The following GABRB2 variants were observed in gnomAD, a reference collection of about 807,000 sequenced individuals.
GABRB2 encodes the protein gamma-aminobutyric acid type A receptor subunit beta2, also known as gamma-aminobutyric acid receptor subunit beta-2.
In GABRB2, 16 loss-of-function variants were observed where a neutral mutation model predicts 54.7. The observed-to-expected ratio is 0.29, with a 90% CI of 0.20 to 0.44. GABRB2 has a LOEUF of 0.44. GABRB2 is among the 20% of genes least tolerant of loss of function. The pLI is 1.00. For synonymous variants in GABRB2, 244 were observed against 233.8 expected (o/e 1.04, Z -0.40); for missense variants, 355 against 644.0 (o/e 0.55, Z 4.86).
chr5:161,331,153 T>G, intron 7 of GABRB2, 26 bp from the exon 8 acceptor site: 2 of 1,523,680 alleles, frequency 1.3e-6, no homozygotes, highest in South Asian at 2.6e-5. Context: ...AGAGTTAGAG[T>G]AATAATGTTC....
chr5:161,509,186 A>T (rs1018243809), intron 3 of GABRB2, among the ~76,000 whole-genome samples: 3 of 152,050 alleles, frequency 2.0e-5, no homozygotes, highest in African/African-American at 7.2e-5. Flanking sequence ...CAACCAGTAC[A>T]GAATTATGTA....
At chr5:161,458,585 G>A (rs1398235583) in intron 4 of GABRB2, among the ~76,000 whole-genome samples, 3 of 152,208 alleles carry the variant, frequency 2.0e-5, no homozygotes, top group African/African-American at 7.2e-5. Context: ...GGAATTGGAG[G>A]CATCCTGTTG....
At chr5:161,388,960 A>G (rs990118833) in intron 5 of GABRB2, among the ~76,000 whole-genome samples, 8 of 152,032 alleles carry the variant, frequency 5.3e-5, no homozygotes, top group African/African-American at 1.9e-4. Flanking sequence ...TATAATTAGA[A>G]AGCTTTATTT....
intron 5 of GABRB2, among the ~76,000 whole-genome samples, chr5:161,400,499 C>CT (rs1367093397): frequency 1.3e-5 from 2 of 152,026 alleles, no homozygotes; most frequent in African/African-American, 4.8e-5. Flanking sequence ...CCTAAACTGC[C>CT]TTTTTTAGAT....
intron 3 of GABRB2, among the ~76,000 whole-genome samples, chr5:161,542,123 T>C (rs1760839624): frequency 6.6e-6 from 1 of 152,186 alleles, no homozygotes; most frequent in Non-Finnish European, 1.5e-5. Context: ...CATTTATCCA[T>C]TAAGTTTGCT....
chr5:161,427,033 G>C (rs952623766), intron 4 of GABRB2, among the ~76,000 whole-genome samples: 5 of 152,096 alleles, frequency 3.3e-5, no homozygotes, highest in African/African-American at 1.2e-4. Context: ...CCCCATCCTG[G>C]TCTCTGACTT....
chr5:161,358,603 G>A (rs549921031), intron 5 of GABRB2, among the ~76,000 whole-genome samples: 56 of 152,294 alleles, frequency 3.7e-4, no homozygotes, highest in African/African-American at 1.3e-3. Context: ...CAAGATGGAG[G>A]GATTATATTT....
chr5:161,385,856 A>G (rs1377637960), intron 5 of GABRB2, among the ~76,000 whole-genome samples: 1 of 152,076 alleles, frequency 6.6e-6, no homozygotes, highest in African/African-American at 2.4e-5. Flanking sequence ...AGATTATAAG[A>G]AAAAAGTGAG....
At chr5:161,438,845 A>G (rs1757381783) in intron 4 of GABRB2, among the ~76,000 whole-genome samples, 2 of 152,224 alleles carry the variant, frequency 1.3e-5, no homozygotes, top group East Asian at 1.9e-4. Context: ...CTTTGAAAAT[A>G]CATAATCAGA....
chr5:161,420,041 ACT>A (rs972423737), intron 4 of GABRB2, among the ~76,000 whole-genome samples: 30 of 152,118 alleles, frequency 2.0e-4, no homozygotes, highest in African/African-American at 7.0e-4. Context: ...CTAGAAAGCC[ACT>A]CTCTGTTTCA....
intron 3 of GABRB2, among the ~76,000 whole-genome samples, chr5:161,472,045 T>C (rs2113299811): frequency 6.6e-6 from 1 of 151,994 alleles, no homozygotes; most frequent in East Asian, 1.9e-4. Flanking sequence ...AGACACCATG[T>C]TTCATAAAAC....
chr5:161,415,444 C>A (rs892394544), intron 4 of GABRB2, among the ~76,000 whole-genome samples: 2 of 152,096 alleles, frequency 1.3e-5, no homozygotes, highest in Non-Finnish European at 2.9e-5. Flanking sequence ...AGCAAGAAAA[C>A]AAATACATAG....
intron 5 of GABRB2, among the ~76,000 whole-genome samples, chr5:161,352,702 G>A (rs553074301): frequency 5.9e-5 from 9 of 152,070 alleles, no homozygotes; most frequent in African/African-American, 1.9e-4. Flanking sequence ...GATTTTATGT[G>A]TTCTCATTGC....
chr5:161,372,234 CTT>C (rs1342539090), intron 5 of GABRB2, among the ~76,000 whole-genome samples: 4 of 152,126 alleles, frequency 2.6e-5, no homozygotes, highest in African/African-American at 7.2e-5. Flanking sequence ...TGCAACTTCT[CTT>C]TGAAAAATTA....
intron 3 of GABRB2, among the ~76,000 whole-genome samples, chr5:161,533,803 T>C (rs977410642): frequency 1.3e-5 from 2 of 152,206 alleles, no homozygotes; most frequent in Non-Finnish European, 2.9e-5. Flanking sequence ...AGTAGTGGTA[T>C]GTATTTTTTA....
chr5:161,446,937 C>T (rs985504133), intron 4 of GABRB2, among the ~76,000 whole-genome samples: 1 of 151,374 alleles, frequency 6.6e-6, no homozygotes, highest in Non-Finnish European at 1.5e-5. Context: ...GGTATTGATA[C>T]ATAATAAGAA....
At chr5:161,542,011 G>C (rs1304218159) in intron 3 of GABRB2, among the ~76,000 whole-genome samples, 1 of 152,110 alleles carries the variant, frequency 6.6e-6, no homozygotes, top group Non-Finnish European at 1.5e-5. Context: ...CTGTGAATTG[G>C]CCCAATTTCC....
At chr5:161,336,814 CAA>C (rs559725109) in intron 5 of GABRB2, 45 bp from the exon 6 acceptor site, 1,528 of 1,090,170 alleles carry the variant, frequency 1.4e-3, no homozygotes, top group South Asian at 4.1e-3. Context: ...ATACAGAAAA[CAA>C]AAAAAAAAAA....
chr5:161,411,480 T>C (rs1166349624), intron 4 of GABRB2, among the ~76,000 whole-genome samples: 1 of 152,176 alleles, frequency 6.6e-6, no homozygotes, highest in African/African-American at 2.4e-5. Flanking sequence ...AATCTATCAA[T>C]CTTAGTTTTG....
Sources: allele counts gnomAD v4.1 joint callset (sites outside exome capture counted in the v4.1 genomes callset), GRCh38; gene constraint gnomAD v4.1.1; transcripts MANE v1.5; gene names NCBI Gene and HGNC (gene_info 2026-07-23, HGNC 2026-07-21).